GALNT13: variants seen among roughly 807,000 people sequenced by gnomAD.
GALNT13 encodes UDP-GalNAc:polypeptide N-acetylgalactosaminyltransferase 13.
A neutral mutation model predicts 64.2 loss-of-function variants in GALNT13; 28 were observed. That is an observed-to-expected ratio of 0.44 (90% CI 0.32 to 0.60). The LOEUF (loss-of-function observed/expected upper bound fraction) is 0.60, where lower values mean the gene tolerates loss of function less well. Ranked by LOEUF, GALNT13 falls within the 20% of genes least tolerant of loss-of-function variation. The pLI is 0.05. For missense variants in GALNT13, 577 were observed against 669.8 expected (o/e 0.86, Z 1.53); for synonymous variants, 214 against 224.6 (o/e 0.95, Z 0.42).
rs191110461 is a variant in GALNT13 at position 154,154,269 on chromosome 2, G to T, written c.311+13764G>T. Among the ~76,000 whole-genome samples the T allele has an allele frequency of 7.9e-5, 12 of 152,224 alleles. No individual in the cohort carries two copies. In the East Asian group the frequency reaches 2.3e-3, roughly 29 times the overall value. ...AAAAGTAATTTTTAAAATGCAGAAG[G>T]TTTGGATAACCAAGGAATGGAAAAT... is the stretch of plus-strand genomic sequence containing the variant. On this transcript the variant is annotated intron_variant, in intron 4 of 12. Coordinates refer to ENST00000392825, the MANE Select transcript of GALNT13 (RefSeq NM_052917.4).
At chr2:153,854,495 C>T in the GALNT13 span, among the ~76,000 whole-genome samples, 44,272 of 151,778 alleles carry the variant, frequency 0.29, 7,045 homozygotes, top group Middle Eastern at 0.43. Flanking sequence ...GCAGGAGAAT[C>T]ACTTGAACCC....
chr2:154,070,835 T>G (rs1474601675), intron 3 of GALNT13, among the ~76,000 whole-genome samples: 1 of 151,634 alleles, frequency 6.6e-6, no homozygotes. Context: ...GAGAATTGCT[T>G]GAACCCAGGA....
At chr2:153,977,594 A>T (rs1005762027) in intron 3 of GALNT13, among the ~76,000 whole-genome samples, 5 of 152,160 alleles carry the variant, frequency 3.3e-5, no homozygotes, top group African/African-American at 1.2e-4. Context: ...GATTATGGGA[A>T]CTACAATTCA....
intron 9 of GALNT13, among the ~76,000 whole-genome samples, chr2:154,379,048 G>A (rs756093766): frequency 8.1e-4 from 123 of 152,072 alleles, no homozygotes; most frequent in Admixed American, 1.8e-3. Flanking sequence ...TAATTTCAGA[G>A]GACATAGAAT....
chr2:153,285,740 A>G, the GALNT13 span, among the ~76,000 whole-genome samples: 1 of 152,164 alleles, frequency 6.6e-6, no homozygotes, highest in African/African-American at 2.4e-5. Context: ...ATTGAAGAAC[A>G]TCAGTAATAA....
In GALNT13 at chr2:154,352,057, A is replaced by G. The variant is rs147823608; in HGVS notation, c.1157-43934A>G. On this transcript the variant is annotated intron_variant, in intron 9 of 12. Coordinates refer to ENST00000392825, the MANE Select transcript of GALNT13 (RefSeq NM_052917.4). ...TTCAGTGTCATTTGATAACAATACA[A>G]ACTAGTTCATATATTCTTTTAGAGA... 2.5e-3 allele frequency among the ~76,000 whole-genome samples: 383 copies of G among 152,320 alleles called. 1 individual carries two copies. Among genetic ancestry groups the G allele is most frequent in the African/African-American group, 8.7e-3 (363 of 41,566 alleles).
At chr2:153,628,054 C>A in the GALNT13 span, among the ~76,000 whole-genome samples, 493 of 152,122 alleles carry the variant, frequency 3.2e-3, 9 homozygotes, top group Admixed American at 0.025. Context: ...CTCCTTGAAG[C>A]GGTCCTTCAC....
chr2:153,262,903 C>T, the GALNT13 span, among the ~76,000 whole-genome samples: 1 of 152,056 alleles, frequency 6.6e-6, no homozygotes, highest in Non-Finnish European at 1.5e-5. Context: ...GACAAGAATG[C>T]TCTCTCTCAC....
At chr2:153,534,669 G>T in the GALNT13 span, among the ~76,000 whole-genome samples, 54 of 152,022 alleles carry the variant, frequency 3.6e-4, 1 homozygote, top group East Asian at 7.2e-3. Flanking sequence ...ACAGTCAAAG[G>T]GGGTTTGTTC....
rs200041641 is a variant in GALNT13, at chr2:153,888,098, G to GA, written c.-176-12838_-176-12837insA. 5.8e-3 allele frequency among the ~76,000 whole-genome samples: 881 copies of GA among 152,030 alleles called. 9 individuals carry two copies. The highest frequency in any genetic ancestry group is 0.02 in the African/African-American group (848 of 41,496). On this transcript the variant is annotated intron_variant, in intron 1 of 12. Transcript: ENST00000392825. The stretch of plus-strand genomic sequence containing the variant: ...AATTCCACTTCTCTTTTCTTATCAA[G>GA]TGAGGAGAATATGTTTTGAGCACTG...
intron 9 of GALNT13, among the ~76,000 whole-genome samples, chr2:154,315,371 G>A (rs779044586): frequency 2.6e-4 from 39 of 152,186 alleles, no homozygotes; most frequent in Non-Finnish European, 5.1e-4. Flanking sequence ...ATGGATCCAA[G>A]CTGGGATGAA....
chr2:153,441,005 G>T, the GALNT13 span, among the ~76,000 whole-genome samples: 1 of 152,066 alleles, frequency 6.6e-6, no homozygotes, highest in Admixed American at 6.6e-5. Flanking sequence ...TGGTGTTTTA[G>T]TCATGAAGTC....
chr2:153,182,189 G>A, the GALNT13 span, among the ~76,000 whole-genome samples: 1 of 151,810 alleles, frequency 6.6e-6, no homozygotes, highest in Admixed American at 6.6e-5. Flanking sequence ...GACTACAGGT[G>A]TCCACCATCA....
the GALNT13 span, among the ~76,000 whole-genome samples, chr2:153,405,944 G>A: frequency 1.3e-5 from 2 of 152,156 alleles, no homozygotes; most frequent in South Asian, 4.1e-4. Context: ...GCGCTTCGTA[G>A]GGTTTCAGGT....
the GALNT13 span, among the ~76,000 whole-genome samples, chr2:153,612,915 A>C: frequency 2.0e-5 from 3 of 152,234 alleles, no homozygotes; most frequent in Admixed American, 2.0e-4. Flanking sequence ...ATTATTTGGA[A>C]TTGTTTCAAC....
upstream of GALNT13, among the ~76,000 whole-genome samples, chr2:153,871,461 G>T (rs1283645242): frequency 6.6e-6 from 1 of 152,208 alleles, no homozygotes; most frequent in East Asian, 1.9e-4. Context: ...AGAGCCGACG[G>T]CAAGGGTGGG....
intron 9 of GALNT13, among the ~76,000 whole-genome samples, chr2:154,337,055 T>A (rs1695496119): frequency 6.6e-6 from 1 of 152,136 alleles, no homozygotes; most frequent in Non-Finnish European, 1.5e-5. Context: ...TATACATGTA[T>A]GCCTGTTAAA....
intron 9 of GALNT13, among the ~76,000 whole-genome samples, chr2:154,349,189 G>A (rs968806240): frequency 4.6e-5 from 7 of 152,134 alleles, no homozygotes; most frequent in Non-Finnish European, 1.0e-4. Context: ...TATAAAGCAA[G>A]AGCCTAAGGA....
At chr2:154,150,111 T>C (rs867777588) in intron 4 of GALNT13, among the ~76,000 whole-genome samples, 15 of 152,322 alleles carry the variant, frequency 9.8e-5, no homozygotes, top group Non-Finnish European at 1.5e-4. Context: ...CATCAATACC[T>C]AATTTATTGA....
Sources: gnomAD v4.1 joint callset for allele counts (sites outside exome capture counted in the v4.1 genomes callset) on GRCh38, gnomAD v4.1.1 for gene constraint, MANE v1.5 for transcripts, NCBI Gene and HGNC (gene_info 2026-07-23, HGNC 2026-07-21) for gene names.